The following RGS7 variants were observed in gnomAD, a reference collection of about 807,000 sequenced individuals.
The protein encoded by RGS7 is regulator of G-protein signaling 7.
RGS7 carries 27 observed loss-of-function variants against 81.1 expected under a neutral mutation model. The ratio of observed to expected loss-of-function variants is 0.33; its 90% CI spans 0.25 to 0.46. The LOEUF (loss-of-function observed/expected upper bound fraction) is 0.46, where lower values mean the gene tolerates loss of function less well. Among genes scored for constraint, RGS7 ranks in the 20% least tolerant of loss-of-function variants. The pLI is 1.00. For missense variants in RGS7, 396 were observed against 607.4 expected (o/e 0.65, Z 3.66); for synonymous variants, 208 against 207.7 (o/e 1.00, Z -0.01).
intron 2 of RGS7, among the ~76,000 whole-genome samples, chr1:241,106,300 C>T (rs2065091343): frequency 6.6e-6 from 1 of 152,114 alleles, no homozygotes. Flanking sequence ...GAATTAATTA[C>T]TCTTTTCATA....
chr1:240,983,073 A>C lies in RGS7; in HGVS notation c.226+6T>G, dbSNP rs759139462. The C allele has an allele frequency of 1.3e-6, 2 of 1,504,048 alleles. No homozygotes were observed. Among genetic ancestry groups the C allele is most frequent in the East Asian group, 4.5e-5 (2 of 44,278 alleles). The allele number at this position is 1,504,048 out of a possible 1,614,324, so 93.2% of individuals were successfully genotyped here. A position where few individuals can be genotyped will look rare whatever the true frequency, so the allele number is the denominator to read the frequency against. On this transcript the variant is annotated splice_donor_region_variant and intron_variant, in intron 4 of 18. Coordinates refer to ENST00000440928, the MANE Select transcript of RGS7 (RefSeq NM_001364886.1). Reference sequence around the variant, plus strand: ...AGTTCTTGCAATGGGAAAATGATTTATTTACCTGGATCTTCTATAGTTAAG... The same window carrying C: ...AGTTCTTGCAATGGGAAAATGATTTCTTTACCTGGATCTTCTATAGTTAAG...
rs183565609 is a variant in RGS7, at chr1:240,823,417, C to G, written c.684+3681G>C. The G allele has an allele frequency of 3.1e-4, 121 of 393,786 alleles. 1 individual carries two copies. The highest frequency in any genetic ancestry group is 2.3e-3 in the African/African-American group (110 of 48,106). The allele number at this position is 393,786 out of a possible 1,614,324, so 24.4% of individuals were successfully genotyped here. ...CCGCACCACTTGGGCCCGGCAGAGGCAGGGCAGATGCCTCACGTTATAGTC... is the reference window on the plus strand; with the variant it reads ...CCGCACCACTTGGGCCCGGCAGAGGGAGGGCAGATGCCTCACGTTATAGTC... On this transcript the variant is annotated intron_variant, in intron 10 of 18. Transcript: ENST00000440928.
chr1:240,931,482 C>CATCACA (rs1675433596), intron 5 of RGS7, among the ~76,000 whole-genome samples: 3 of 151,920 alleles, frequency 2.0e-5, no homozygotes, highest in Non-Finnish European at 4.4e-5. Flanking sequence ...AATGGAGATC[C>CATCACA]CATTCTCCAT....
intron 2 of RGS7, among the ~76,000 whole-genome samples, chr1:241,232,317 G>A (rs536688223): frequency 1.3e-5 from 2 of 152,136 alleles, no homozygotes; most frequent in South Asian, 4.1e-4. Context: ...CTCCTGAGTA[G>A]CTGGGACCAC....
At chr1:241,065,914 T>C (rs945458682) in intron 3 of RGS7, among the ~76,000 whole-genome samples, 5 of 152,190 alleles carry the variant, frequency 3.3e-5, no homozygotes, top group African/African-American at 9.7e-5. Context: ...ATCATGTACT[T>C]AGAACAATAC....
At chr1:240,998,578 C>A in intron 3 of RGS7, 1 of 828,962 alleles carries the variant, frequency 1.2e-6, no homozygotes, top group Admixed American at 1.8e-5. Flanking sequence ...ACAGATAGAG[C>A]CAGCTGCTGG....
chr1:241,343,728 G>A (rs1365327032), intron 2 of RGS7, among the ~76,000 whole-genome samples: 1 of 152,174 alleles, frequency 6.6e-6, no homozygotes, highest in Non-Finnish European at 1.5e-5. Flanking sequence ...TCCAACAGGT[G>A]CGGAGTTTCA....
At chr1:241,192,159 GGTGTGTGTGTGTGTGTGTGTGTGTGTGT>G (rs58714151) in intron 2 of RGS7, among the ~76,000 whole-genome samples, 1 of 121,934 alleles carries the variant, frequency 8.2e-6, no homozygotes, top group Admixed American at 8.4e-5. Flanking sequence ...AGAGAAAACA[GGTGTGTGTGTGTGTGTGTGTGTGTGTGT>G]GTGTGTGTGT....
intron 3 of RGS7, among the ~76,000 whole-genome samples, chr1:240,994,170 T>C (rs1464956790): frequency 6.6e-6 from 1 of 152,220 alleles, no homozygotes; most frequent in Non-Finnish European, 1.5e-5. Context: ...TTCTACTTCA[T>C]TTGCTTTACC....
intron 2 of RGS7, among the ~76,000 whole-genome samples, chr1:241,193,606 G>C (rs903102154): frequency 3.3e-5 from 5 of 152,188 alleles, no homozygotes; most frequent in South Asian, 4.1e-4. Context: ...AAATGGTCTA[G>C]AGCAGTCTTC....
At chr1:240,812,124 CAT>C (rs1394843887) in intron 13 of RGS7, 81 bp from the exon 14 acceptor site, 1 of 1,499,402 alleles carries the variant, frequency 6.7e-7, no homozygotes, top group Non-Finnish European at 9.3e-7. Context: ...CCTTCAAAAT[CAT>C]GTGTGCCTCG....
chr1:241,161,404 T>C (rs2069647384), intron 2 of RGS7, among the ~76,000 whole-genome samples: 1 of 151,412 alleles, frequency 6.6e-6, no homozygotes, highest in Non-Finnish European at 1.5e-5. Context: ...GACACATTAA[T>C]AATAATAACT....
At chr1:241,165,869 C>T (rs1298272246) in intron 2 of RGS7, among the ~76,000 whole-genome samples, 2 of 151,422 alleles carry the variant, frequency 1.3e-5, no homozygotes, top group South Asian at 2.1e-4. Context: ...TTTTACCCAA[C>T]AGCAGTAGTT....
chr1:241,320,370 G>A (rs1001460949), intron 2 of RGS7, among the ~76,000 whole-genome samples: 3 of 152,274 alleles, frequency 2.0e-5, no homozygotes, highest in African/African-American at 7.2e-5. Flanking sequence ...TTTATCAACA[G>A]TAAGCACTAT....
At chr1:241,190,499 T>C (rs780149047) in intron 2 of RGS7, among the ~76,000 whole-genome samples, 3 of 152,174 alleles carry the variant, frequency 2.0e-5, no homozygotes, top group Non-Finnish European at 2.9e-5. Flanking sequence ...CTTCCTTTGA[T>C]TAGTACTGTA....
intron 3 of RGS7, among the ~76,000 whole-genome samples, chr1:241,021,637 G>T (rs1381353605): frequency 6.6e-6 from 1 of 152,106 alleles, no homozygotes; most frequent in Non-Finnish European, 1.5e-5. Context: ...AACCTACTCT[G>T]GGGGGCGGTC....
At chr1:240,876,988 G>T (rs534402050) in intron 6 of RGS7, among the ~76,000 whole-genome samples, 1 of 152,116 alleles carries the variant, frequency 6.6e-6, no homozygotes, top group Admixed American at 6.6e-5. Flanking sequence ...AAAATTCATG[G>T]CCATAATTCT....
intron 9 of RGS7, among the ~76,000 whole-genome samples, chr1:240,851,768 A>T (rs1660144025): frequency 6.6e-6 from 1 of 152,186 alleles, no homozygotes; most frequent in African/African-American, 2.4e-5. Context: ...AAGGGATTCA[A>T]GAGTTTGGAA....
intron 2 of RGS7, among the ~76,000 whole-genome samples, chr1:241,172,606 C>G (rs1488810855): frequency 6.6e-6 from 1 of 151,932 alleles, no homozygotes; most frequent in Non-Finnish European, 1.5e-5. Flanking sequence ...AATTGATAGC[C>G]CAAAGACAAA....
Sources: allele counts gnomAD v4.1 joint callset (sites outside exome capture counted in the v4.1 genomes callset), GRCh38; gene constraint gnomAD v4.1.1; transcripts MANE v1.5; gene names NCBI Gene and HGNC (gene_info 2026-07-23, HGNC 2026-07-21).